The following DCLK1 variants were observed in gnomAD, a reference collection of about 807,000 sequenced individuals.
The protein encoded by DCLK1 is serine/threonine-protein kinase DCLK1.
DCLK1 carries 16 observed loss-of-function variants against 86.2 expected under a neutral mutation model. The ratio of observed to expected loss-of-function variants is 0.19; its 90% CI spans 0.13 to 0.28. The LOEUF (loss-of-function observed/expected upper bound fraction) is 0.28, where lower values mean the gene tolerates loss of function less well. DCLK1 is among the 10% of genes least tolerant of loss of function. DCLK1 has a pLI of 1.00. For synonymous variants in DCLK1, 369 were observed against 370.5 expected, an observed-to-expected ratio of 1.00 and a Z score of 0.05; for missense variants, 590 against 940.2, an observed-to-expected ratio of 0.63 and a Z score of 4.87.
intron 3 of DCLK1, among the ~76,000 whole-genome samples, chr13:36,049,329 T>G (rs1042263016): frequency 6.6e-6 from 1 of 152,162 alleles, no homozygotes; most frequent in African/African-American, 2.4e-5. Context: ...CCCCAAATTC[T>G]AATGACCTGA....
chr13:35,780,601 TG>T (rs1392531733), intron 16 of DCLK1, among the ~76,000 whole-genome samples: 1 of 152,132 alleles, frequency 6.6e-6, no homozygotes, highest in Middle Eastern at 3.2e-3. Context: ...AATGATGGCT[TG>T]GGGGAAGCTG....
chr13:35,847,354 G>C (rs968289186), intron 6 of DCLK1: 2 of 984,970 alleles, frequency 2.0e-6, no homozygotes, highest in African/African-American at 1.7e-5. Flanking sequence ...ACAAGAGCCA[G>C]TAACTTATAA....
At chr13:36,069,201 ATAATGC>A (rs1883877722) in intron 3 of DCLK1, among the ~76,000 whole-genome samples, 1 of 152,202 alleles carries the variant, frequency 6.6e-6, no homozygotes, top group Non-Finnish European at 1.5e-5. Flanking sequence ...AGTCCAGAAA[ATAATGC>A]TTGGAAAATA....
intron 6 of DCLK1, chr13:35,847,643 GAAA>G: frequency 1.1e-6 from 1 of 933,834 alleles, no homozygotes; most frequent in Non-Finnish European, 1.3e-6. Flanking sequence ...AAGAAAGAAA[GAAA>G]GAAAGAAAGA....
At chr13:36,048,828 T>C (rs1473165383) in intron 3 of DCLK1, among the ~76,000 whole-genome samples, 1 of 152,174 alleles carries the variant, frequency 6.6e-6, no homozygotes, top group African/African-American at 2.4e-5. Flanking sequence ...ATTGGTAAGC[T>C]GGGGTCACAG....
intron 3 of DCLK1, among the ~76,000 whole-genome samples, chr13:36,006,721 A>G (rs1287585236): frequency 1.3e-5 from 2 of 152,184 alleles, no homozygotes; most frequent in Non-Finnish European, 1.5e-5. Flanking sequence ...GGTGGCCTAG[A>G]TCCAGAAGCA....
intron 6 of DCLK1, among the ~76,000 whole-genome samples, chr13:35,842,342 T>C (rs991388620): frequency 2.6e-5 from 4 of 151,356 alleles, no homozygotes; most frequent in Admixed American, 1.3e-4. Flanking sequence ...AGTTGCCCAG[T>C]ACAGGTCTAA....
chr13:35,975,363 T>A (rs1469899750), intron 3 of DCLK1, among the ~76,000 whole-genome samples: 1 of 152,198 alleles, frequency 6.6e-6, no homozygotes, highest in African/African-American at 2.4e-5. Context: ...CCTCATTTCA[T>A]GGCACCATCT....
chr13:36,106,299 A>T (rs1486011724), intron 3 of DCLK1, among the ~76,000 whole-genome samples: 1 of 152,182 alleles, frequency 6.6e-6, no homozygotes, highest in Non-Finnish European at 1.5e-5. Context: ...GACCAAGGAT[A>T]TGTGACCTAA....
chr13:35,925,591 T>C (rs906971562), intron 4 of DCLK1, among the ~76,000 whole-genome samples: 1 of 152,198 alleles, frequency 6.6e-6, no homozygotes, highest in Non-Finnish European at 1.5e-5. Context: ...TAACAAAAAG[T>C]CTTATTCCAT....
chr13:35,801,900 C>T (rs1180699127), intron 15 of DCLK1, among the ~76,000 whole-genome samples: 3 of 152,150 alleles, frequency 2.0e-5, no homozygotes, highest in Admixed American at 6.5e-5. Flanking sequence ...TGTATATAAA[C>T]AAATTTGCTC....
chr13:35,986,665 C>T (rs1401254978), intron 3 of DCLK1, among the ~76,000 whole-genome samples: 11 of 152,100 alleles, frequency 7.2e-5, no homozygotes, highest in Middle Eastern at 3.2e-3. Flanking sequence ...GTCGCTCACT[C>T]GCAGCTTTCT....
chr13:35,855,365 G>A (rs1282825202), intron 5 of DCLK1: 3 of 655,016 alleles, frequency 4.6e-6, no homozygotes, highest in Admixed American at 2.6e-5. Flanking sequence ...TTATAAAGAT[G>A]TATCAGGTCA....
At chr13:36,053,325 A>C (rs1231897262) in intron 3 of DCLK1, among the ~76,000 whole-genome samples, 1 of 152,168 alleles carries the variant, frequency 6.6e-6, no homozygotes, top group African/African-American at 2.4e-5. Context: ...AATAAGGGGC[A>C]GAACAGGATT....
chr13:36,012,740 C>T lies in DCLK1; in HGVS notation c.724-65283G>A, dbSNP rs9593673. Among the ~76,000 whole-genome samples, 103 of 101,506 alleles carry T rather than the reference C, an allele frequency of 1.0e-3. 1 individual carries two copies. Among genetic ancestry groups the T allele is most frequent in the African/African-American group, 3.9e-3 (98 of 25,372 alleles). 66.6% of individuals were successfully genotyped at this position (101,506 alleles called of 152,430 possible). ...CTCTTCTCGAGGAGTATCTTTGTGG[C>T]GTTCTCTGTATTTCCTGAATCTGAA... On this transcript the variant is annotated intron_variant, in intron 3 of 16. Transcript: ENST00000360631.
intron 5 of DCLK1, among the ~76,000 whole-genome samples, chr13:35,861,172 G>T (rs1871357425): frequency 6.6e-6 from 1 of 152,232 alleles, no homozygotes; most frequent in African/African-American, 2.4e-5. Context: ...TCACCATAGG[G>T]AGAATGGTGA....
intron 3 of DCLK1, among the ~76,000 whole-genome samples, chr13:36,007,589 A>G (rs957397900): frequency 1.3e-5 from 2 of 152,224 alleles, no homozygotes; most frequent in Admixed American, 6.5e-5. Flanking sequence ...GATGAACTAC[A>G]CTAAGGGAAC....
At chr13:35,928,976 C>T (rs1215646255) in intron 4 of DCLK1, among the ~76,000 whole-genome samples, 1 of 152,182 alleles carries the variant, frequency 6.6e-6, no homozygotes, top group African/African-American at 2.4e-5. Flanking sequence ...GTCACCCAGA[C>T]TGGAGTGCAG....
chr13:36,039,267 G>A (rs1882618037), intron 3 of DCLK1, among the ~76,000 whole-genome samples: 1 of 152,186 alleles, frequency 6.6e-6, no homozygotes, highest in Non-Finnish European at 1.5e-5. Context: ...TTTCTGAAGT[G>A]TGAAACTGCA....
Sources: allele counts gnomAD v4.1 joint callset (sites outside exome capture counted in the v4.1 genomes callset), GRCh38; gene constraint gnomAD v4.1.1; transcripts MANE v1.5; gene names NCBI Gene and HGNC (gene_info 2026-07-23, HGNC 2026-07-21).